NPR3: variants seen among roughly 807,000 people sequenced by gnomAD.
NPR3 encodes natriuretic peptide receptor 3.
In NPR3, 34 loss-of-function variants were observed where a neutral mutation model predicts 54.5. The ratio of observed to expected loss-of-function variants is 0.62; its 90% CI spans 0.47 to 0.83. NPR3 has a LOEUF of 0.83. Among genes scored for constraint, NPR3 ranks in the 40% least tolerant of loss-of-function variants. The probability of loss-of-function intolerance (pLI) is 0.00; values close to 1 mark genes in which losing one functional copy is unlikely to be tolerated. For missense variants in NPR3, 674 were observed against 720.8 expected (o/e 0.94, Z 0.74); for synonymous variants, 289 against 297.1 (o/e 0.97, Z 0.28).
upstream of NPR3, chr5:32,709,474 T>G (rs1201330376): frequency 6.6e-6 from 1 of 152,036 alleles, no homozygotes; most frequent in Non-Finnish European, 1.5e-5. Context: ...AGGAAAGATT[T>G]AATTGCTGTG....
intron 3 of NPR3, among the ~76,000 whole-genome samples, chr5:32,769,993 G>T (rs3811964): frequency 0.33 from 49,823 of 152,060 alleles, 9,122 homozygotes; most frequent in African/African-American, 0.5. Flanking sequence ...AGCAACAACA[G>T]GATTTCTATT....
chr5:32,773,638 G>A (rs1741887128), intron 3 of NPR3, among the ~76,000 whole-genome samples: 1 of 151,946 alleles, frequency 6.6e-6, no homozygotes, highest in Non-Finnish European at 1.5e-5. Flanking sequence ...TTTTTTCACT[G>A]CTGTTAAGCC....
At chr5:32,708,601 T>C (rs1428713470), upstream of NPR3, among the ~76,000 whole-genome samples, 2 of 152,206 alleles carry the variant, frequency 1.3e-5, no homozygotes, top group Admixed American at 1.3e-4. Flanking sequence ...GGTATTTAAG[T>C]ATATCACTTA....
intron 3 of NPR3, among the ~76,000 whole-genome samples, chr5:32,748,006 A>G (rs1740389900): frequency 6.6e-6 from 1 of 152,092 alleles, no homozygotes; most frequent in Admixed American, 6.5e-5. Context: ...CTCCTACCTC[A>G]GCCTCCCACA....
At chr5:32,758,544 A>G (rs192714308) in intron 3 of NPR3, among the ~76,000 whole-genome samples, 1 of 151,698 alleles carries the variant, frequency 6.6e-6, no homozygotes, top group Non-Finnish European at 1.5e-5. Flanking sequence ...TGATCTTGTC[A>G]AAAAACTAGC....
Position 32,750,356 on chromosome 5 carries a change from C to G in NPR3, c.1059+11326C>G, listed in dbSNP as rs1740515518. On this transcript the variant is annotated intron_variant, in intron 3 of 7. Transcript: ENST00000265074. ...TCACCATGTCGGTCAGGCTTGTCTC[C>G]AACTCCCGACCTCAGGTGATCCGCC... Among the ~76,000 whole-genome samples the G allele has an allele frequency of 2.6e-5, 4 of 152,070 alleles. No individual in the cohort carries two copies. In the South Asian group the frequency reaches 6.2e-4, roughly 24 times the overall value.
intron 1 of NPR3, among the ~76,000 whole-genome samples, chr5:32,722,352 T>A (rs1397736696): frequency 6.6e-6 from 1 of 152,260 alleles, no homozygotes; most frequent in Non-Finnish European, 1.5e-5. Context: ...ACTTGCATCC[T>A]ACTGCTTATA....
At chr5:32,701,753 A>G (rs928531999) in intron 1 of NPR3, among the ~76,000 whole-genome samples, 2 of 152,230 alleles carry the variant, frequency 1.3e-5, no homozygotes, top group Non-Finnish European at 2.9e-5. Flanking sequence ...AAGCTCAGTC[A>G]TGCTGTGGCT....
At position 32,704,349 on chromosome 5, in the gene NPR3, A is replaced by T. The variant is rs190722557; in HGVS notation, c.100+15163A>T. On this transcript the variant is annotated intron_variant, in intron 1 of 5. Transcript: ENST00000509104. ...ATTTATCATCTGGTTTTTGGTTCTT[A>T]TGAAGTGTTCTTTTGGCTCTTTGTG... 2.5e-4 allele frequency among the ~76,000 whole-genome samples: 37 copies of T among 148,940 alleles called. No homozygotes were observed. In the East Asian group the frequency reaches 6.6e-3, roughly 26 times the overall value.
chr5:32,735,392 T>C (rs1579627657), intron 2 of NPR3, among the ~76,000 whole-genome samples: 1 of 151,946 alleles, frequency 6.6e-6, no homozygotes, highest in African/African-American at 2.4e-5. Flanking sequence ...CACAGTGCTC[T>C]GCCTTTGTTC....
chr5:32,776,652 T>G lies in NPR3; in HGVS notation c.1195+1809T>G, dbSNP rs537117492. 5.3e-5 allele frequency among the ~76,000 whole-genome samples: 8 copies of G among 152,284 alleles called. No homozygotes were observed. In the South Asian group the frequency reaches 1.7e-3, roughly 32 times the overall value. On this transcript the variant is annotated intron_variant, in intron 4 of 7. Coordinates refer to ENST00000265074, the MANE Select transcript of NPR3 (RefSeq NM_001204375.2). ...GAGCCTTGCAGATATCAACTCTATA[T>G]TAATTTATTCATTCAACAAATGTTC...
chr5:32,715,662 A>G (rs532498346), intron 1 of NPR3, among the ~76,000 whole-genome samples: 1 of 152,216 alleles, frequency 6.6e-6, no homozygotes, highest in East Asian at 1.9e-4. Context: ...TACTGCCCTC[A>G]ATATTCCACA....
At position 32,712,501 on chromosome 5, in the gene NPR3, T is replaced by C. The variant is rs1469458985; in HGVS notation, c.725T>C (p.Leu242Ser). ...SIYSFDETKD[L>S]DLEDIVRNIQ... ...TACAGTTTCGACGAGACCAAAGACT[T>C]GGATCTGGAAGACATCGTGCGCAAT... Residue 242 changes from leucine (L) to serine (S), a missense_variant, in exon 1 of 8, where the codon TTG becomes TCG. Coordinates refer to ENST00000265074, the MANE Select transcript of NPR3 (RefSeq NM_001204375.2). 1 of 1,555,682 alleles carries C rather than the reference T, an allele frequency of 6.4e-7. No individual in the cohort carries two copies. Among genetic ancestry groups the C allele is most frequent in the Non-Finnish European group, 8.7e-7 (1 of 1,153,084 alleles).
chr5:32,764,109 C>T (rs1338415862), intron 3 of NPR3, among the ~76,000 whole-genome samples: 1 of 152,178 alleles, frequency 6.6e-6, no homozygotes, highest in Non-Finnish European at 1.5e-5. Flanking sequence ...GGCAGCAGTT[C>T]AGATGTTCCT....
At chr5:32,714,867 G>A (rs1021688817) in intron 1 of NPR3, among the ~76,000 whole-genome samples, 29 of 152,170 alleles carry the variant, frequency 1.9e-4, no homozygotes, top group African/African-American at 7.0e-4. Flanking sequence ...TTCTGGCTCA[G>A]TCACCGGCTG....
intron 2 of NPR3, among the ~76,000 whole-genome samples, chr5:32,737,066 C>G (rs1208419774): frequency 6.6e-6 from 1 of 152,216 alleles, no homozygotes; most frequent in African/African-American, 2.4e-5. Context: ...ACATTTGCAC[C>G]TTTGCCTGTG....
chr5:32,733,195 AC>A (rs1169548665), intron 2 of NPR3, among the ~76,000 whole-genome samples: 1 of 152,142 alleles, frequency 6.6e-6, no homozygotes, highest in Non-Finnish European at 1.5e-5. Context: ...TGAAAAAAAA[AC>A]ATATTGATAG....
chr5:32,758,219 A>T (rs1165337918), intron 3 of NPR3, among the ~76,000 whole-genome samples: 1 of 152,128 alleles, frequency 6.6e-6, no homozygotes, highest in Non-Finnish European at 1.5e-5. Context: ...TCGGCTGTGA[A>T]TCCATCTGGT....
intron 3 of NPR3, among the ~76,000 whole-genome samples, chr5:32,761,227 G>T (rs1423068600): frequency 5.3e-5 from 8 of 151,962 alleles, no homozygotes; most frequent in East Asian, 3.9e-4. Context: ...AAAAAATCCT[G>T]GATTTTTGAT....
Sources: gnomAD v4.1 joint callset for allele counts (sites outside exome capture counted in the v4.1 genomes callset) on GRCh38, gnomAD v4.1.1 for gene constraint, MANE v1.5 for transcripts, NCBI Gene and HGNC (gene_info 2026-07-23, HGNC 2026-07-21) for gene names.